CDYL2: variants seen among roughly 807,000 people sequenced by gnomAD.
The protein encoded by CDYL2 is chromodomain Y-like protein 2.
CDYL2 carries 23 observed loss-of-function variants against 49.4 expected under a neutral mutation model. That is an observed-to-expected ratio of 0.47 (90% CI 0.34 to 0.66). CDYL2 has a LOEUF of 0.66. Among genes scored for constraint, CDYL2 ranks in the 30% least tolerant of loss-of-function variants. CDYL2 has a pLI of 0.01. For synonymous variants in CDYL2, 360 were observed against 268.8 expected (o/e 1.34, Z -3.32); for missense variants, 678 against 656.4 (o/e 1.03, Z -0.36).
At chr16:80,698,821 C>A (rs549021662) in intron 1 of CDYL2, among the ~76,000 whole-genome samples, 12 of 152,234 alleles carry the variant, frequency 7.9e-5, no homozygotes, top group African/African-American at 2.9e-4. Context: ...GCCTGCAGAA[C>A]CATCAACCAA....
At chr16:80,622,240 G>A (rs1907114604) in intron 3 of CDYL2, among the ~76,000 whole-genome samples, 1 of 152,166 alleles carries the variant, frequency 6.6e-6, no homozygotes, top group Admixed American at 6.5e-5. Context: ...GCAGCTAGGA[G>A]AGCCCAGAGC....
intron 1 of CDYL2, among the ~76,000 whole-genome samples, chr16:80,729,913 G>A (rs910787171): frequency 5.9e-5 from 9 of 152,034 alleles, no homozygotes; most frequent in African/African-American, 1.4e-4. Context: ...CGAGAACAAA[G>A]ACACAACATA....
intron 3 of CDYL2, among the ~76,000 whole-genome samples, chr16:80,623,453 G>C (rs1347438593): frequency 1.3e-5 from 2 of 150,656 alleles, no homozygotes; most frequent in Admixed American, 6.6e-5. Context: ...GAACAGGTCA[G>C]CTTCTGCCCC....
intron 1 of CDYL2, among the ~76,000 whole-genome samples, chr16:80,743,439 T>G (rs1200801824): frequency 6.6e-6 from 1 of 152,224 alleles, no homozygotes; most frequent in Non-Finnish European, 1.5e-5. Context: ...GCCCCACAGC[T>G]GTCTGCAGTG....
At chr16:80,794,730 G>A (rs920868693) in intron 1 of CDYL2, among the ~76,000 whole-genome samples, 1 of 148,492 alleles carries the variant, frequency 6.7e-6, no homozygotes, top group East Asian at 2.0e-4. Flanking sequence ...TCCTGCCTCA[G>A]CCTCCTGAGC....
At chr16:80,747,560 G>C (rs1237163187) in intron 1 of CDYL2, among the ~76,000 whole-genome samples, 1 of 152,180 alleles carries the variant, frequency 6.6e-6, no homozygotes, top group Non-Finnish European at 1.5e-5. Flanking sequence ...AATAGTGGTA[G>C]TGGTGGTGAA....
intron 2 of CDYL2, chr16:80,639,610 A>G: frequency 2.2e-6 from 1 of 447,340 alleles, no homozygotes; most frequent in South Asian, 1.6e-5. Context: ...TCAAATTAAC[A>G]ACTGTCTACA....
intron 1 of CDYL2, among the ~76,000 whole-genome samples, chr16:80,689,836 C>G (rs567148409): frequency 6.6e-6 from 1 of 152,226 alleles, no homozygotes; most frequent in South Asian, 2.1e-4. Context: ...AAAAAGCACT[C>G]TGGGCCAGGC....
intron 1 of CDYL2, among the ~76,000 whole-genome samples, chr16:80,686,367 C>T (rs76852574): frequency 6.6e-6 from 1 of 152,260 alleles, no homozygotes; most frequent in East Asian, 1.9e-4. Flanking sequence ...CAATGTTGTA[C>T]CCTCCAAATG....
intron 3 of CDYL2, among the ~76,000 whole-genome samples, chr16:80,626,020 T>C (rs1452002941): frequency 6.6e-6 from 1 of 151,952 alleles, no homozygotes. Context: ...AAGAAATTGG[T>C]GGATCACACC....
chr16:80,598,305 AAACAC>A lies in CDYL2; in HGVS notation c.*6078_*6082del, dbSNP rs1905926641. On this transcript the variant is annotated 3_prime_UTR_variant, in exon 7 of 7. Coordinates refer to ENST00000570137, the MANE Select transcript of CDYL2 (RefSeq NM_152342.4). Reference sequence around the variant, plus strand: ...GTATGCTACATCCATGATCAAATCCAAACACTCCTAGGGTGGGCTGGATAAGTTTT... The same window carrying A: ...GTATGCTACATCCATGATCAAATCCATCCTAGGGTGGGCTGGATAAGTTTT... The A allele has an allele frequency of 6.6e-6, 1 of 152,194 alleles. No homozygotes were observed. The highest frequency in any genetic ancestry group is 2.1e-4 in the South Asian group (1 of 4,826). The allele number at this position is 152,194 out of a possible 1,614,324, so 9.4% of individuals were successfully genotyped here.
intron 1 of CDYL2, among the ~76,000 whole-genome samples, chr16:80,769,425 A>G (rs1396932127): frequency 3.3e-5 from 5 of 152,208 alleles, no homozygotes; most frequent in Non-Finnish European, 7.3e-5. Flanking sequence ...TCAAACTATA[A>G]AAGGTGGGTA....
intron 1 of CDYL2, among the ~76,000 whole-genome samples, chr16:80,686,669 A>G (rs1316487548): frequency 6.6e-6 from 1 of 152,232 alleles, no homozygotes; most frequent in Non-Finnish European, 1.5e-5. Flanking sequence ...AAAAGTGAAA[A>G]AACTTTGAAA....
intron 1 of CDYL2, among the ~76,000 whole-genome samples, chr16:80,800,305 A>C (rs1051292759): frequency 1.1e-4 from 17 of 152,228 alleles, no homozygotes; most frequent in African/African-American, 4.1e-4. Flanking sequence ...TAATTTCAAT[A>C]AAATCGTCTC....
intron 1 of CDYL2, among the ~76,000 whole-genome samples, chr16:80,716,537 T>G (rs865956815): frequency 6.6e-6 from 1 of 151,432 alleles, no homozygotes; most frequent in African/African-American, 2.4e-5. Context: ...ACTGGATGAA[T>G]AGATGACTAA....
At chr16:80,773,759 T>A (rs1305220270) in intron 1 of CDYL2, among the ~76,000 whole-genome samples, 1 of 152,168 alleles carries the variant, frequency 6.6e-6, no homozygotes, top group African/African-American at 2.4e-5. Flanking sequence ...AAAACTCGTA[T>A]GACATACTTA....
chr16:80,653,969 A>G (rs114109599), intron 2 of CDYL2, among the ~76,000 whole-genome samples: 3,909 of 152,258 alleles, frequency 0.026, 136 homozygotes, highest in African/African-American at 0.07. Context: ...AGTGTGAGCC[A>G]TCTTCCTCAT....
intron 1 of CDYL2, among the ~76,000 whole-genome samples, chr16:80,757,738 A>G (rs1016805093): frequency 2.0e-5 from 3 of 151,962 alleles, no homozygotes; most frequent in Non-Finnish European, 2.9e-5. Flanking sequence ...ATACCTAGGG[A>G]AAAATGTAAC....
intron 2 of CDYL2, among the ~76,000 whole-genome samples, chr16:80,674,140 G>A (rs141380330): frequency 6.7e-4 from 102 of 152,270 alleles, no homozygotes; most frequent in Middle Eastern, 6.8e-3. Context: ...CTAATACAGC[G>A]TCCCTTGGTT....
Sources: allele counts gnomAD v4.1 joint callset (sites outside exome capture counted in the v4.1 genomes callset), GRCh38; gene constraint gnomAD v4.1.1; transcripts MANE v1.5; gene names NCBI Gene and HGNC (gene_info 2026-07-23, HGNC 2026-07-21).